PFKM: variants seen among roughly 807,000 people sequenced by gnomAD.
PFKM encodes phosphofructokinase, muscle, also known as ATP-dependent 6-phosphofructokinase, muscle type.
PFKM carries 58 observed loss-of-function variants against 95.5 expected under a neutral mutation model. That is an observed-to-expected ratio of 0.61 (90% confidence interval 0.49 to 0.76). The LOEUF (loss-of-function observed/expected upper bound fraction) is 0.76. PFKM is among the 30% of genes least tolerant of loss of function. The pLI is 0.00. For missense variants in PFKM, 678 were observed against 1,005.4 expected (o/e 0.67, Z 4.40); for synonymous variants, 336 against 357.2 (o/e 0.94, Z 0.67).
At position 48,125,177 on chromosome 12, in the gene PFKM, C is replaced by T. The variant is rs551679267; in HGVS notation, c.85+2318C>T. On this transcript the variant is annotated intron_variant, in intron 2 of 22. Coordinates refer to ENST00000359794, the MANE Select transcript of PFKM (RefSeq NM_000289.6). ...CTTTCCAGCCTAGGAATGGCTTCAGCCGCCAAAACTATGCTACCTTTAGCC... is the reference window on the plus strand; with the variant it reads ...CTTTCCAGCCTAGGAATGGCTTCAGTCGCCAAAACTATGCTACCTTTAGCC... The T allele has an allele frequency of 4.7e-5, 13 of 274,278 alleles. No individual in the cohort carries two copies. The East Asian group carries it at 1.9e-3, about 40-fold the overall frequency. The allele number at this position is 274,278 out of a possible 1,614,324, so 17.0% of individuals were successfully genotyped here.
In PFKM at chr12:48,145,915, C is replaced by G; in HGVS notation, c.*207C>G. Reference sequence around the variant, plus strand: ...AGGTAGAATTTAACATGACTTCTGCCCCAGCTTTATCTGTCACACAAGGCT... The same window carrying G: ...AGGTAGAATTTAACATGACTTCTGCGCCAGCTTTATCTGTCACACAAGGCT... On this transcript the variant is annotated 3_prime_UTR_variant, in exon 23 of 23. Transcript: ENST00000359794. This position sits in a 1 kb window ranked among gnomAD's most constrained non-coding sequence, Gnocchi z 4.3. 1 of 590,216 alleles carries G rather than the reference C, an allele frequency of 1.7e-6. No individual in the cohort carries two copies. The highest frequency in any genetic ancestry group is 2.0e-5 in the South Asian group (1 of 49,856). 36.6% of individuals were successfully genotyped at this position (590,216 alleles called of 1,614,324 possible).
At position 48,139,191 on chromosome 12, in the gene PFKM, C is replaced by T. The variant is rs940171577; in HGVS notation, c.1063-94C>T. On this transcript the variant is annotated intron_variant, in intron 11 of 22. Coordinates refer to ENST00000359794, the MANE Select transcript of PFKM (RefSeq NM_000289.6). The stretch of plus-strand genomic sequence containing the variant: ...AGAATGGACAGGATCTAGTCACAAT[C>T]CCAGAGATGGGCAGAGTTCGACTGT... The T allele has an allele frequency of 4.2e-6, 4 of 955,918 alleles. No individual in the cohort carries two copies. The African/African-American group carries it at 6.4e-5, about 15-fold the overall frequency. The allele number at this position is 955,918 out of a possible 1,614,324, so 59.2% of individuals were successfully genotyped here. A position where few individuals can be genotyped will look rare whatever the true frequency, so the allele number is the denominator to read the frequency against.
At chr12:48,111,282 C>T (rs75297348) in intron 3 of PFKM, among the ~76,000 whole-genome samples, 3,245 of 152,304 alleles carry the variant, frequency 0.021, 91 homozygotes, top group African/African-American at 0.055. Flanking sequence ...TTTTTCACTT[C>T]ATCTAGGCCA....
upstream of PFKM, chr12:48,119,346 C>A (rs1376262497): frequency 2.6e-5 from 26 of 983,292 alleles, no homozygotes; most frequent in African/African-American, 3.5e-5. Context: ...CATCACCCCT[C>A]CCCCCTTTCC....
chr12:48,133,102 T>C, intron 5 of PFKM, 45 bp downstream of exon 5: 1 of 1,544,312 alleles, frequency 6.5e-7, no homozygotes, highest in Non-Finnish European at 9.0e-7. Context: ...TGTCGGTACG[T>C]GCACGCGTGT....
chr12:48,145,324 A>C lies in PFKM; in HGVS notation c.2198+9A>C, dbSNP rs753735422. The C allele has an allele frequency of 3.1e-6, 5 of 1,601,560 alleles. No individual in the cohort carries two copies. Among genetic ancestry groups the C allele is most frequent in the East Asian group, 4.5e-5 (2 of 44,828 alleles). On this transcript the variant is annotated intron_variant, in intron 22 of 22. Coordinates refer to ENST00000359794, the MANE Select transcript of PFKM (RefSeq NM_000289.6). The surrounding 1 kb of genome is among the most constrained non-coding windows in gnomAD (Gnocchi z 4.3). ...GACCAGACAGATTTTGAGTGAGTAC[A>C]TCTGCTTCCTGGAGTGGTTCTTTTC... is the stretch of plus-strand genomic sequence containing the variant.
At chr12:48,122,884 T>C (rs777091337) in intron 2 of PFKM, 25 bp downstream of exon 2, 7 of 1,608,496 alleles carry the variant, frequency 4.4e-6, no homozygotes, top group Middle Eastern at 1.7e-4. Flanking sequence ...ACAAAAAACA[T>C]GGCTGGTGGG....
intron 4 of PFKM, 72 bp from the exon 5 acceptor site, chr12:48,132,796 A>G (rs1289400443): frequency 7.7e-7 from 1 of 1,295,160 alleles, no homozygotes; most frequent in South Asian, 1.3e-5. Context: ...AGGCCATCAC[A>G]GCATTGGAAT....
rs1452788681 is a variant in PFKM at position 48,145,364 on chromosome 12, G to A, written c.2198+49G>A. The A allele has an allele frequency of 6.7e-7, 1 of 1,483,188 alleles. No individual in the cohort carries two copies. The highest frequency in any genetic ancestry group is 1.4e-5 in the African/African-American group (1 of 72,424). 91.9% of individuals were successfully genotyped at this position (1,483,188 alleles called of 1,614,324 possible). ...TGGTTCTTTTCCCTGGTAGTTTCAAGCTCTACTGTCCTCAACCTGTTCACT... is the reference window on the plus strand; with the variant it reads ...TGGTTCTTTTCCCTGGTAGTTTCAAACTCTACTGTCCTCAACCTGTTCACT... On this transcript the variant is annotated intron_variant, in intron 22 of 22. Coordinates refer to ENST00000359794, the MANE Select transcript of PFKM (RefSeq NM_000289.6). This position sits in a 1 kb window ranked among gnomAD's most constrained non-coding sequence, Gnocchi z 4.3.
At chr12:48,107,401 T>A in exon 2 of PFKM, 1 of 1,598,990 alleles carries the variant, frequency 6.3e-7, no homozygotes, top group Non-Finnish European at 8.5e-7. Context: ...TCATCTGAAA[T>A]TTTTCATGTG....
chr12:48,130,578 G>A, intron 3 of PFKM, 142 bp downstream of exon 3: 1 of 763,592 alleles, frequency 1.3e-6, no homozygotes, highest in South Asian at 1.4e-5. Flanking sequence ...GTAGCTTCAT[G>A]AGTCACTCTT....
At chr12:48,124,648 T>A (rs970155646) in intron 2 of PFKM, among the ~76,000 whole-genome samples, 9 of 152,114 alleles carry the variant, frequency 5.9e-5, no homozygotes, top group African/African-American at 1.9e-4. Context: ...AGACCCTGTT[T>A]TATGGAGGCA....
rs58556309 is a variant in PFKM at position 48,140,505 on chromosome 12, T to G, written c.1192-217T>G. 0.19 allele frequency among the ~76,000 whole-genome samples: 28,462 copies of G among 152,190 alleles called. 3,244 individuals carry two copies. The highest frequency in any genetic ancestry group is 0.32 in the African/African-American group (13,223 of 41,506). On this transcript the variant is annotated intron_variant, in intron 13 of 22. Coordinates refer to ENST00000359794, the MANE Select transcript of PFKM (RefSeq NM_000289.6). The stretch of plus-strand genomic sequence containing the variant: ...ATATCTGAGATGGGGGACAGCAGCT[T>G]TATTTATTGATCTGTGATCAAGAAT...
rs920227940 is a variant in PFKM at position 48,133,132 on chromosome 12, G to A, written c.427+75G>A. On this transcript the variant is annotated intron_variant, in intron 5 of 22. Coordinates refer to ENST00000359794, the MANE Select transcript of PFKM (RefSeq NM_000289.6). Reference sequence around the variant, plus strand: ...GCGTGTACACACACACATCGCCCCCGCCCTGCTTTTACCTCCCATTGGAGA... The same window carrying A: ...GCGTGTACACACACACATCGCCCCCACCCTGCTTTTACCTCCCATTGGAGA... The A allele has an allele frequency of 2.9e-5, 42 of 1,457,228 alleles. No individual in the cohort carries two copies. In the African/African-American group the frequency reaches 4.3e-4, roughly 15 times the overall value. 90.3% of individuals were successfully genotyped at this position (1,457,228 alleles called of 1,614,324 possible).
intron 3 of PFKM, among the ~76,000 whole-genome samples, chr12:48,113,414 A>G (rs1947382207): frequency 6.6e-6 from 1 of 152,188 alleles, no homozygotes; most frequent in African/African-American, 2.4e-5. Context: ...AGCTGAGAAG[A>G]TCTGGGAAGG....
At chr12:48,106,399 G>A in intron 1 of PFKM, 1 of 465,404 alleles carries the variant, frequency 2.1e-6, no homozygotes, top group Admixed American at 4.1e-5. Flanking sequence ...AGTTTTGCTT[G>A]CTTGCGTTCC....
chr12:48,106,208 G>C (rs867639684), intron 1 of PFKM: 11 of 670,794 alleles, frequency 1.6e-5, no homozygotes, highest in African/African-American at 1.4e-4. Context: ...GCGCCTGCGC[G>C]GTGTGGCGAG....
At position 48,135,247 on chromosome 12, in the gene PFKM, G is replaced by T. The variant is rs73302834; in HGVS notation, c.844-44G>T. 3,171 of 1,507,810 alleles carry T rather than the reference G, an allele frequency of 2.1e-3. 74 individuals are homozygous for T. In the African/African-American group the frequency reaches 0.039, roughly 18 times the overall value. 93.4% of individuals were successfully genotyped at this position (1,507,810 alleles called of 1,614,324 possible). A position where few individuals can be genotyped will look rare whatever the true frequency, so the allele number is the denominator to read the frequency against. On this transcript the variant is annotated intron_variant, in intron 9 of 22. Coordinates refer to ENST00000359794, the MANE Select transcript of PFKM (RefSeq NM_000289.6). ...AAGTCTCTGCTTGTTTTCTTCCTTT[G>T]ACTCTGCGTAACCCTCTCTCTGTCC...
intron 1 of PFKM, among the ~76,000 whole-genome samples, chr12:48,122,060 A>G (rs766582419): frequency 2.0e-5 from 3 of 152,128 alleles, no homozygotes; most frequent in Non-Finnish European, 4.4e-5. Context: ...TTCTCATTTC[A>G]TAGCATGTAG....
Sources: gnomAD v4.1 joint callset for allele counts (sites outside exome capture counted in the v4.1 genomes callset) on GRCh38, gnomAD v4.1.1 for gene constraint, Gnocchi (gnomAD v3.1) non-coding constraint, MANE v1.5 for transcripts, NCBI Gene and HGNC (gene_info 2026-07-23, HGNC 2026-07-21) for gene names.